ABCG2: variants seen among roughly 807,000 people sequenced by gnomAD.
The protein encoded by ABCG2 is broad substrate specificity ATP-binding cassette transporter ABCG2.
ABCG2 carries 80 observed loss-of-function variants against 73.5 expected under a neutral mutation model. The observed-to-expected ratio is 1.09, with a 90% CI of 0.91 to 1.31. The LOEUF is 1.31. ABCG2 is among the 50% of genes most tolerant of loss of function. The pLI is 0.00. For missense variants in ABCG2, 796 were observed against 786.2 expected (o/e 1.01, Z -0.15); for synonymous variants, 269 against 282.4 (o/e 0.95, Z 0.48).
In ABCG2 at chr4:88,118,282, A is replaced by T. The variant is rs147211144; in HGVS notation, c.690-22T>A. ...CATCCTAAGTTAAAAGTGAGACAAT[A>T]CTAAGTCATTAAATATCTGAAACTT... is the stretch of plus-strand genomic sequence containing the variant. On this transcript the variant is annotated intron_variant, in intron 6 of 15. Transcript: ENST00000237612. The T allele has an allele frequency of 1.3e-4, 202 of 1,610,204 alleles. No homozygotes were observed. The African/African-American group carries it at 2.2e-3, about 18-fold the overall frequency.
intron 5 of ABCG2, 61 bp downstream of exon 5, chr4:88,131,000 T>C: frequency 6.4e-7 from 1 of 1,573,992 alleles, no homozygotes; most frequent in Non-Finnish European, 8.7e-7. Flanking sequence ...AGAGTCATTT[T>C]ATCCACACAG....
At position 88,185,787 on chromosome 4, in the gene ABCG2, A is replaced by G. The variant is rs150495032; in HGVS notation, c.-20+45207T>C. 5.6e-3 allele frequency among the ~76,000 whole-genome samples: 860 copies of G among 152,356 alleles called. 7 individuals are homozygous for G. The highest frequency in any genetic ancestry group is 0.013 in the Admixed American group (193 of 15,306). On this transcript the variant is annotated intron_variant, in intron 1 of 15. Coordinates refer to the ABCG2 transcript ENST00000515655. ...ATCATTAATCAGAGAAATGCAAATC[A>G]AAACTATCATGAGATATCATCTCAT...
At chr4:88,224,438 C>CAAAAACAAAAAACA (rs3061241) in intron 1 of ABCG2, among the ~76,000 whole-genome samples, 1 of 150,544 alleles carries the variant, frequency 6.6e-6, no homozygotes, top group African/African-American at 2.4e-5. Context: ...GACCCTGTCT[C>CAAAAACAAAAAACA]AAAAACAAAA....
At position 88,190,012 on chromosome 4, in the gene ABCG2, A is replaced by G. The variant is rs555330389; in HGVS notation, c.-20+40982T>C. Among the ~76,000 whole-genome samples the G allele has an allele frequency of 1.8e-3, 271 of 152,348 alleles. 1 individual carries two copies. Among genetic ancestry groups the G allele is most frequent in the African/African-American group, 6.4e-3 (265 of 41,584 alleles). ...GTATGAATGAATGAGGTTAGTTTAAAGGAATATACAAAAAGAAATGTACAT... is the reference window on the plus strand; with the variant it reads ...GTATGAATGAATGAGGTTAGTTTAAGGGAATATACAAAAAGAAATGTACAT... On this transcript the variant is annotated intron_variant, in intron 1 of 15. Transcript: ENST00000515655.
chr4:88,092,249 A>G lies in ABCG2; in HGVS notation c.1953T>C (p.Leu651=), dbSNP rs1560644225. ...LTIAYLKLLF[L]KKYS is the part of the protein sequence containing the mutation. Reference sequence around the variant, plus strand: ...AAGGGGAAATTTAAGAATATTTTTTAAGAAATAACAATTTCAGGTAGGCAA... The same window carrying G: ...AAGGGGAAATTTAAGAATATTTTTTGAGAAATAACAATTTCAGGTAGGCAA... The change falls in exon 16 of 16, where the codon CTT becomes CTC. Residue 651 remains leucine (L), a synonymous_variant. Coordinates refer to ENST00000237612, the MANE Select transcript of ABCG2 (RefSeq NM_004827.3). The G allele has an allele frequency of 6.2e-7, 1 of 1,607,002 alleles. No individual in the cohort carries two copies. Among genetic ancestry groups the G allele is most frequent in the Admixed American group, 1.7e-5 (1 of 59,214 alleles).
At chr4:88,118,024 C>A in intron 7 of ABCG2, 85 bp downstream of exon 7, 1 of 1,372,026 alleles carries the variant, frequency 7.3e-7, no homozygotes, top group Non-Finnish European at 9.9e-7. Context: ...ACCCAAAGAC[C>A]AAACAGCACT....
At chr4:88,125,187 G>C (rs532986614) in intron 5 of ABCG2, among the ~76,000 whole-genome samples, 6 of 152,108 alleles carry the variant, frequency 3.9e-5, no homozygotes, top group African/African-American at 1.4e-4. Flanking sequence ...AGCTACTCAG[G>C]AGACTGAGGC....
intron 1 of ABCG2, chr4:88,226,807 T>G (rs1419044115): frequency 6.6e-6 from 1 of 152,348 alleles, no homozygotes; most frequent in Non-Finnish European, 1.5e-5. Flanking sequence ...GACACGCAAA[T>G]TCGTGAAGCA....
intron 8 of ABCG2, among the ~76,000 whole-genome samples, chr4:88,114,244 T>A (rs1426582061): frequency 6.6e-6 from 1 of 152,232 alleles, no homozygotes; most frequent in Non-Finnish European, 1.5e-5. Flanking sequence ...CATAGTCTTA[T>A]GAATATAGCA....
At chr4:88,105,303 T>G (rs1317099804) in intron 10 of ABCG2, among the ~76,000 whole-genome samples, 2 of 152,222 alleles carry the variant, frequency 1.3e-5, no homozygotes, top group African/African-American at 4.8e-5. Flanking sequence ...CGTCTTCAAC[T>G]TTCCTCAATA....
intron 9 of ABCG2, 93 bp from the exon 10 acceptor site, chr4:88,107,359 A>T: frequency 2.4e-6 from 2 of 850,998 alleles, no homozygotes; most frequent in Non-Finnish European, 3.5e-6. Context: ...ATATGGTTAC[A>T]TAATCAGATC....
chr4:88,109,458 CA>C (rs1327715816), intron 9 of ABCG2, among the ~76,000 whole-genome samples: 1 of 152,146 alleles, frequency 6.6e-6, no homozygotes, highest in Non-Finnish European at 1.5e-5. Context: ...ACAAAATAAT[CA>C]ATCCCGTAAC....
intron 1 of ABCG2, among the ~76,000 whole-genome samples, chr4:88,204,193 G>A (rs564193349): frequency 2.0e-5 from 3 of 151,950 alleles, no homozygotes; most frequent in East Asian, 1.9e-4. Flanking sequence ...AGGCTGAGGC[G>A]GGCAGATCAC....
At chr4:88,114,912 C>A in intron 8 of ABCG2, 45 bp downstream of exon 8, 1 of 1,396,184 alleles carries the variant, frequency 7.2e-7, no homozygotes, top group Non-Finnish European at 1.0e-6. Context: ...AAACTTCAGC[C>A]AATTCAATTA....
Position 88,187,949 on chromosome 4 carries a change from T to G in ABCG2, c.-20+43045A>C, listed in dbSNP as rs1286894052. Among the ~76,000 whole-genome samples the G allele has an allele frequency of 3.3e-5, 5 of 152,306 alleles. No homozygotes were observed. In the South Asian group the frequency reaches 8.3e-4, roughly 25 times the overall value. On this transcript the variant is annotated intron_variant, in intron 1 of 15. Transcript: ENST00000515655. Reference sequence around the variant, plus strand: ...ATGTTTGGAAATGTCCAGTAGCATTTTTAGTCATCGTAATATCTGGGATTG... The same window carrying G: ...ATGTTTGGAAATGTCCAGTAGCATTGTTAGTCATCGTAATATCTGGGATTG...
chr4:88,131,661 G>C (rs1263554985), intron 4 of ABCG2, 142 bp downstream of exon 4: 8 of 624,322 alleles, frequency 1.3e-5, no homozygotes, highest in Admixed American at 2.9e-5. Flanking sequence ...GTGTCTATGA[G>C]AAATTAAGAA....
At chr4:88,126,940 G>A (rs1368953594) in intron 5 of ABCG2, among the ~76,000 whole-genome samples, 1 of 152,180 alleles carries the variant, frequency 6.6e-6, no homozygotes, top group South Asian at 2.1e-4. Context: ...AATCAGGCAA[G>A]AGAAAGAAAT....
At chr4:88,097,727 G>C in intron 12 of ABCG2, 120 bp from the exon 13 acceptor site, 1 of 1,140,618 alleles carries the variant, frequency 8.8e-7, no homozygotes, top group East Asian at 2.6e-5. Flanking sequence ...ATGAAAAAAA[G>C]TCATCCACTC....
At chr4:88,219,979 T>A (rs931299001) in intron 1 of ABCG2, among the ~76,000 whole-genome samples, 2 of 152,132 alleles carry the variant, frequency 1.3e-5, no homozygotes, top group Non-Finnish European at 2.9e-5. Context: ...CTGAAACTTC[T>A]TGCCCATTAA....
Sources: gnomAD v4.1 joint callset for allele counts (sites outside exome capture counted in the v4.1 genomes callset) on GRCh38, gnomAD v4.1.1 for gene constraint, MANE v1.5 for transcripts, NCBI Gene and HGNC (gene_info 2026-07-23, HGNC 2026-07-21) for gene names.